Variants in EBF1 observed in about 807,000 individuals in gnomAD.
The protein encoded by EBF1 is transcription factor COE1.
Under a neutral mutation model 68.4 loss-of-function variants are expected in EBF1, and 10 were observed. The observed-to-expected ratio is 0.15, with a 90% CI of 0.09 to 0.25. The LOEUF is 0.25. Ranked by LOEUF, EBF1 falls within the 10% of genes least tolerant of loss-of-function variation. The pLI, the probability that EBF1 is intolerant of heterozygous loss-of-function variation, is 1.00. For synonymous variants in EBF1, 298 were observed against 299.8 expected (o/e 0.99, Z 0.06); for missense variants, 509 against 794.4 (o/e 0.64, Z 4.32).
Position 158,807,752 on chromosome 5 carries a change from T to A in EBF1, c.779-11277A>T, listed in dbSNP as rs1029606214. 3.9e-4 allele frequency among the ~76,000 whole-genome samples: 59 copies of A among 152,274 alleles called. 1 individual carries two copies. The highest frequency in any genetic ancestry group is 1.3e-3 in the African/African-American group (55 of 41,578). ...CCCAAAACACACGGAAGTCCCCCAG[T>A]TGGCCTTTCTTTGCTATGCAGAAGA... On this transcript the variant is annotated intron_variant, in intron 8 of 15. Transcript: ENST00000313708.
chr5:159,084,642 G>T (rs372149408), intron 5 of EBF1, 24 bp downstream of exon 5: 3 of 1,519,212 alleles, frequency 2.0e-6, no homozygotes, highest in Non-Finnish European at 2.7e-6. Flanking sequence ...GCTAATTAAC[G>T]GGAGAGACCA....
intron 9 of EBF1, among the ~76,000 whole-genome samples, chr5:158,792,664 C>T (rs1778879210): frequency 6.6e-6 from 1 of 152,178 alleles, no homozygotes; most frequent in Non-Finnish European, 1.5e-5. Context: ...GGATCTTAGA[C>T]ATGGCACAAA....
chr5:158,732,921 T>C lies in EBF1; in HGVS notation c.1037-1764A>G, dbSNP rs373205204. Among the ~76,000 whole-genome samples the C allele has an allele frequency of 1.2e-3, 176 of 152,322 alleles. 5 individuals carry two copies. In the South Asian group the frequency reaches 0.035, roughly 30 times the overall value. ...ACTTTCAACCTGTCTCTTGTGGAAA[T>C]TAACTAAAATTACACCCAGGTGTAT... On this transcript the variant is annotated intron_variant, in intron 10 of 15. Coordinates refer to ENST00000313708, the MANE Select transcript of EBF1 (RefSeq NM_024007.5).
At chr5:158,859,381 T>C (rs1794607724) in intron 6 of EBF1, among the ~76,000 whole-genome samples, 1 of 152,156 alleles carries the variant, frequency 6.6e-6, no homozygotes, top group Non-Finnish European at 1.5e-5. Flanking sequence ...CCATAAGACT[T>C]CCCAGATTTT....
rs894857707 is a variant in EBF1, at chr5:158,823,822, C to T, written c.637-505G>A. ...GGATGTCTTTTTGAGATTTCTTGTA[C>T]GTTTTTCTTTCCACATTAGTTTGGT... On this transcript the variant is annotated intron_variant, in intron 7 of 15. Transcript: ENST00000313708. Among the ~76,000 whole-genome samples, 12 of 152,026 alleles carry T rather than the reference C, an allele frequency of 7.9e-5. No homozygotes were observed. In the South Asian group the frequency reaches 1.0e-3, roughly 13 times the overall value.
intron 6 of EBF1, among the ~76,000 whole-genome samples, chr5:158,931,875 A>G (rs1054785250): frequency 6.6e-6 from 1 of 152,232 alleles, no homozygotes; most frequent in African/African-American, 2.4e-5. Flanking sequence ...TTCTAGAAGA[A>G]CCAGATGCCT....
At position 158,702,578 on chromosome 5, in the gene EBF1, G is replaced by C. The variant is rs573518748; in HGVS notation, c.1745-3436C>G. ...AGAGCTGGGAGGGTTTGGAGTGAGAGGGTGGAATGTGGTCGTACCCAAACC... is the reference window on the plus strand; with the variant it reads ...AGAGCTGGGAGGGTTTGGAGTGAGACGGTGGAATGTGGTCGTACCCAAACC... On this transcript the variant is annotated intron_variant, in intron 15 of 15. Coordinates refer to ENST00000313708, the MANE Select transcript of EBF1 (RefSeq NM_024007.5). Among the ~76,000 whole-genome samples, 141 of 152,020 alleles carry C rather than the reference G, an allele frequency of 9.3e-4. 1 individual carries two copies. Among genetic ancestry groups the C allele is most frequent in the Non-Finnish European group, 1.5e-3 (102 of 67,950 alleles).
chr5:158,777,576 AAT>A (rs1263251243), intron 9 of EBF1, 37 bp from the exon 10 acceptor site: 3 of 1,572,678 alleles, frequency 1.9e-6, no homozygotes, highest in African/African-American at 2.7e-5. Flanking sequence ...TTGTCATTGC[AAT>A]AGTTAAAACT....
At chr5:159,002,201 T>C (rs1436844871) in intron 6 of EBF1, among the ~76,000 whole-genome samples, 5 of 151,162 alleles carry the variant, frequency 3.3e-5, no homozygotes, top group Non-Finnish European at 5.9e-5. Context: ...TCAAGTCCTG[T>C]GGGATAGGTA....
chr5:158,843,266 T>C (rs1280608987), intron 6 of EBF1, among the ~76,000 whole-genome samples: 1 of 152,206 alleles, frequency 6.6e-6, no homozygotes, highest in Non-Finnish European at 1.5e-5. Context: ...GCACACCCTC[T>C]GGCTTCTTCA....
intron 6 of EBF1, among the ~76,000 whole-genome samples, chr5:158,867,469 T>A (rs1796132758): frequency 6.6e-6 from 1 of 152,208 alleles, no homozygotes; most frequent in African/African-American, 2.4e-5. Context: ...CTTTTTTTGT[T>A]TCTTTGCCCC....
chr5:158,729,866 GCTC>G (rs1763727525), intron 11 of EBF1, among the ~76,000 whole-genome samples: 1 of 152,158 alleles, frequency 6.6e-6, no homozygotes, highest in African/African-American at 2.4e-5. Context: ...AGCAGTTAGC[GCTC>G]CTCCTCTCCA....
chr5:158,808,121 G>A (rs901168993), intron 8 of EBF1, among the ~76,000 whole-genome samples: 3 of 152,080 alleles, frequency 2.0e-5, no homozygotes, highest in East Asian at 1.9e-4. Context: ...TTTCCGTGGT[G>A]ATGATCTGTG....
At chr5:159,043,266 T>C (rs934295850) in intron 6 of EBF1, among the ~76,000 whole-genome samples, 3 of 152,122 alleles carry the variant, frequency 2.0e-5, no homozygotes, top group African/African-American at 7.2e-5. Context: ...AAGGGGAAAA[T>C]GCAGGCATAA....
intron 10 of EBF1, among the ~76,000 whole-genome samples, chr5:158,768,473 G>C (rs902442317): frequency 1.3e-5 from 2 of 151,970 alleles, no homozygotes; most frequent in African/African-American, 2.4e-5. Flanking sequence ...AATATTAATA[G>C]CTCACATTTA....
intron 6 of EBF1, among the ~76,000 whole-genome samples, chr5:158,940,418 A>G (rs1259883785): frequency 6.6e-6 from 1 of 152,166 alleles, no homozygotes; most frequent in Non-Finnish European, 1.5e-5. Flanking sequence ...ACTTAAATAC[A>G]TCCTCTTTTC....
chr5:158,887,463 T>C (rs1485554548), intron 6 of EBF1, among the ~76,000 whole-genome samples: 1 of 152,220 alleles, frequency 6.6e-6, no homozygotes, highest in African/African-American at 2.4e-5. Flanking sequence ...GCAAAATTCT[T>C]GGGCCTAGAA....
intron 6 of EBF1, among the ~76,000 whole-genome samples, chr5:158,843,771 T>C (rs1039801630): frequency 2.0e-5 from 3 of 152,082 alleles, no homozygotes; most frequent in African/African-American, 7.2e-5. Context: ...TACAGTTCCT[T>C]AAAGGAACTG....
At chr5:158,799,249 A>G (rs964732669) in intron 8 of EBF1, among the ~76,000 whole-genome samples, 1 of 152,004 alleles carries the variant, frequency 6.6e-6, no homozygotes, top group African/African-American at 2.4e-5. Context: ...GCAACACAGT[A>G]AGACTCTGTC....
Sources: allele counts gnomAD v4.1 joint callset (sites outside exome capture counted in the v4.1 genomes callset), GRCh38; gene constraint gnomAD v4.1.1; transcripts MANE v1.5; gene names NCBI Gene and HGNC (gene_info 2026-07-23, HGNC 2026-07-21).